Variants in PTPRD observed in about 807,000 individuals in gnomAD.
PTPRD encodes protein tyrosine phosphatase receptor type D.
A neutral mutation model predicts 214.5 loss-of-function variants in PTPRD; 34 were observed. The ratio of observed to expected loss-of-function variants is 0.16; its 90% CI spans 0.12 to 0.21. PTPRD has a LOEUF of 0.21. PTPRD is among the 10% of genes least tolerant of loss of function. The pLI, the probability that PTPRD is intolerant of heterozygous loss-of-function variation, is 1.00. For synonymous variants in PTPRD, 1,128 were observed against 845.7 expected (o/e 1.33, Z -5.79); for missense variants, 2,545 against 2,398.7 (o/e 1.06, Z -1.27).
chr9:8,530,713 G>T (rs2075465063), intron 14 of PTPRD, among the ~76,000 whole-genome samples: 1 of 152,060 alleles, frequency 6.6e-6, no homozygotes, highest in Admixed American at 6.6e-5. Context: ...AGAACTTCTG[G>T]TAGAGAGGCA....
chr9:8,808,385 T>A (rs1566232925), intron 11 of PTPRD, among the ~76,000 whole-genome samples: 2 of 151,824 alleles, frequency 1.3e-5, no homozygotes, highest in Admixed American at 1.3e-4. Flanking sequence ...AACCCCACAT[T>A]CACTAACTCT....
chr9:9,944,700 T>C (rs1412677106), intron 4 of PTPRD, among the ~76,000 whole-genome samples: 1 of 147,108 alleles, frequency 6.8e-6, no homozygotes, highest in East Asian at 2.0e-4. Flanking sequence ...GAAATCCAGC[T>C]TTTTTTTTTC....
At position 9,166,007 on chromosome 9, in the gene PTPRD, T is replaced by G. The variant is rs1471916991; in HGVS notation, c.-143+17297A>C. Among the ~76,000 whole-genome samples the G allele has an allele frequency of 4.6e-5, 7 of 152,246 alleles. No individual in the cohort carries two copies. The East Asian group carries it at 1.4e-3, about 29-fold the overall frequency. On this transcript the variant is annotated intron_variant, in intron 10 of 45. Coordinates refer to ENST00000381196, the MANE Select transcript of PTPRD (RefSeq NM_002839.4). ...GCTCTTATCCTGTCCCAAATATAAA[T>G]TTAGTCAGGTACAATTGTCTGTCCC... is the stretch of plus-strand genomic sequence containing the variant.
chr9:10,510,807 C>G (rs1023727349), intron 2 of PTPRD, among the ~76,000 whole-genome samples: 5 of 152,034 alleles, frequency 3.3e-5, no homozygotes, highest in Admixed American at 6.6e-5. Flanking sequence ...TAGTTCTTAC[C>G]TAACCGCATT....
intron 3 of PTPRD, among the ~76,000 whole-genome samples, chr9:10,216,937 C>T (rs1484676491): frequency 6.6e-6 from 1 of 151,918 alleles, no homozygotes; most frequent in Admixed American, 6.6e-5. Flanking sequence ...TTCATTCCTC[C>T]ACTAGTCAAA....
At chr9:10,092,109 C>T (rs145513385) in intron 3 of PTPRD, among the ~76,000 whole-genome samples, 168 of 151,396 alleles carry the variant, frequency 1.1e-3, no homozygotes, top group African/African-American at 3.6e-3. Flanking sequence ...TTCCATGCAA[C>T]GAGGTAAAAA....
chr9:9,412,189 T>C lies in PTPRD; in HGVS notation c.-236-14707A>G, dbSNP rs138310698. 1.8e-4 allele frequency among the ~76,000 whole-genome samples: 27 copies of C among 152,324 alleles called. No individual in the cohort carries two copies. In the East Asian group the frequency reaches 5.0e-3, roughly 28 times the overall value. On this transcript the variant is annotated intron_variant, in intron 8 of 45. Transcript: ENST00000381196. ...AGAATTACCTAGAGTCAGTTTCTGT[T>C]TTACAAACAGACAAATGACCCACTT...
At chr9:10,144,463 C>T (rs1482824565) in intron 3 of PTPRD, among the ~76,000 whole-genome samples, 1 of 152,084 alleles carries the variant, frequency 6.6e-6, no homozygotes, top group African/African-American at 2.4e-5. Flanking sequence ...GCTGTATTCC[C>T]CCTGCTCTTA....
intron 11 of PTPRD, among the ~76,000 whole-genome samples, chr9:8,908,349 G>A (rs1240713592): frequency 1.3e-5 from 2 of 151,984 alleles, no homozygotes; most frequent in East Asian, 3.9e-4. Context: ...AAAATTCACA[G>A]GAGAAAATAA....
intron 44 of PTPRD, among the ~76,000 whole-genome samples, chr9:8,326,736 C>G (rs888176434): frequency 2.6e-5 from 4 of 151,708 alleles, no homozygotes; most frequent in South Asian, 2.1e-4. Flanking sequence ...AATTTCAGAA[C>G]TTGTTATTGG....
chr9:8,762,310 A>G (rs1264956685), intron 11 of PTPRD, among the ~76,000 whole-genome samples: 1 of 152,218 alleles, frequency 6.6e-6, no homozygotes, highest in Admixed American at 6.6e-5. Flanking sequence ...TCCTACTGAC[A>G]GTATAAAAGA....
At chr9:10,522,106 G>T (rs1025294557) in intron 2 of PTPRD, among the ~76,000 whole-genome samples, 2 of 152,074 alleles carry the variant, frequency 1.3e-5, no homozygotes, top group Admixed American at 1.3e-4. Context: ...GAAAGGTACT[G>T]GTGGTACCTG....
chr9:9,933,811 T>G (rs1045248062), intron 5 of PTPRD, among the ~76,000 whole-genome samples: 1 of 149,452 alleles, frequency 6.7e-6, no homozygotes, highest in Non-Finnish European at 1.5e-5. Flanking sequence ...ATTCCAAAAT[T>G]GACCACATAC....
intron 2 of PTPRD, among the ~76,000 whole-genome samples, chr9:10,583,360 G>T (rs1269213326): frequency 1.3e-5 from 2 of 151,402 alleles, no homozygotes; most frequent in Non-Finnish European, 2.9e-5. Context: ...TTTCAGTCAT[G>T]CCAGTTTCTT....
chr9:10,224,707 C>T (rs895098374), intron 3 of PTPRD, among the ~76,000 whole-genome samples: 2 of 151,998 alleles, frequency 1.3e-5, no homozygotes, highest in Non-Finnish European at 2.9e-5. Flanking sequence ...CTGACACACA[C>T]ATTTTCTTCC....
chr9:10,351,225 A>G (rs2097176947), intron 2 of PTPRD, among the ~76,000 whole-genome samples: 1 of 152,146 alleles, frequency 6.6e-6, no homozygotes, highest in Admixed American at 6.6e-5. Context: ...TTAATCATCT[A>G]CTATCGTGGA....
intron 2 of PTPRD, among the ~76,000 whole-genome samples, chr9:10,437,393 C>T (rs1055187979): frequency 2.0e-5 from 3 of 151,732 alleles, no homozygotes; most frequent in African/African-American, 7.3e-5. Context: ...AAGGTGTTGC[C>T]AGTTAAATAT....
chr9:8,425,848 G>C (rs904556008), intron 35 of PTPRD, among the ~76,000 whole-genome samples: 1 of 152,216 alleles, frequency 6.6e-6, no homozygotes, highest in Non-Finnish European at 1.5e-5. Flanking sequence ...AAAACTAGCA[G>C]AGACATCAGG....
intron 2 of PTPRD, among the ~76,000 whole-genome samples, chr9:10,497,347 G>C (rs1018335591): frequency 2.6e-5 from 4 of 151,922 alleles, no homozygotes; most frequent in Admixed American, 6.6e-5. Flanking sequence ...TTTATCACGT[G>C]ACATATACAT....
Sources: allele counts gnomAD v4.1 joint callset (sites outside exome capture counted in the v4.1 genomes callset), GRCh38; gene constraint gnomAD v4.1.1; transcripts MANE v1.5; gene names NCBI Gene and HGNC (gene_info 2026-07-23, HGNC 2026-07-21).